The following ASRGL1 variants were observed in gnomAD, a reference collection of about 807,000 sequenced individuals.
ASRGL1 encodes isoaspartyl peptidase/L-asparaginase.
A neutral mutation model predicts 22.4 loss-of-function variants in ASRGL1; 16 were observed. The observed-to-expected ratio is 0.71, with a 90% CI of 0.48 to 1.08. The LOEUF (loss-of-function observed/expected upper bound fraction) is 1.08, where lower values mean the gene tolerates loss of function less well. ASRGL1 is among the 50% of genes least tolerant of loss of function. The pLI is 0.00. For missense variants in ASRGL1, 412 were observed against 410.1 expected, an observed-to-expected ratio of 1.00 and a Z score of -0.04; for synonymous variants, 165 against 159.3, an observed-to-expected ratio of 1.04 and a Z score of -0.27.
intron 4 of ASRGL1, among the ~76,000 whole-genome samples, chr11:62,387,688 C>T (rs1383353454): frequency 6.6e-6 from 1 of 152,200 alleles, no homozygotes; most frequent in East Asian, 1.9e-4. Context: ...CCTGGTGCTT[C>T]TTTGTTTTTT....
In ASRGL1 at chr11:62,337,889, G is replaced by A. The variant is rs1295882578; in HGVS notation, c.-88-1G>A. ...ACAGAGACTGGGCATTGTCCCCACA[G>A]GGTCTCCCGAGGACCTTGTACCCGC... On this transcript the variant is annotated splice_acceptor_variant, in intron 1 of 6. Coordinates refer to ENST00000415229, the MANE Select transcript of ASRGL1 (RefSeq NM_001083926.2). LOFTEE classifies it low-confidence loss of function (5UTR_SPLICE). The A allele has an allele frequency of 1.4e-6, 2 of 1,384,894 alleles. No homozygotes were observed. The highest frequency in any genetic ancestry group is 2.0e-6 in the Non-Finnish European group (2 of 1,021,330). The allele number at this position is 1,384,894 out of a possible 1,614,324, so 85.8% of individuals were successfully genotyped here.
At chr11:62,356,692 A>G (rs1430596029) in intron 3 of ASRGL1, among the ~76,000 whole-genome samples, 1 of 152,208 alleles carries the variant, frequency 6.6e-6, no homozygotes, top group Non-Finnish European at 1.5e-5. Context: ...CACACCACAT[A>G]CAAACTGACC....
chr11:62,400,054 G>A, the ASRGL1 span, among the ~76,000 whole-genome samples: 2 of 152,136 alleles, frequency 1.3e-5, no homozygotes, highest in African/African-American at 4.8e-5. Flanking sequence ...ATGAGGTCAC[G>A]CAGGGGGCTC....
chr11:62,378,232 G>A (rs865975722), intron 4 of ASRGL1, among the ~76,000 whole-genome samples: 37 of 152,162 alleles, frequency 2.4e-4, no homozygotes, highest in Admixed American at 2.2e-3. Context: ...ATGAAAAGGA[G>A]TAGAGGTTTG....
intron 4 of ASRGL1, among the ~76,000 whole-genome samples, chr11:62,383,411 G>A (rs957449883): frequency 6.7e-5 from 10 of 148,514 alleles, no homozygotes; most frequent in East Asian, 2.0e-4. Flanking sequence ...AGACCATCCC[G>A]GCTAAAACGG....
At chr11:62,389,353 T>C in intron 5 of ASRGL1, 102 bp downstream of exon 5, 1 of 1,150,790 alleles carries the variant, frequency 8.7e-7, no homozygotes, top group East Asian at 2.4e-5. Context: ...CTGCGTTCCC[T>C]TTCTGCTTTT....
chr11:62,369,957 T>C (rs1946719213), intron 4 of ASRGL1, among the ~76,000 whole-genome samples: 1 of 152,170 alleles, frequency 6.6e-6, no homozygotes, highest in African/African-American at 2.4e-5. Context: ...CAATACCAGA[T>C]TGTGAATTCC....
intron 4 of ASRGL1, chr11:62,371,244 G>T: frequency 7.8e-7 from 1 of 1,289,232 alleles, no homozygotes; most frequent in Non-Finnish European, 1.0e-6. Flanking sequence ...GGAAGCGCGA[G>T]CCTCCCGAGC....
chr11:62,360,280 G>A (rs1486939948), intron 4 of ASRGL1, among the ~76,000 whole-genome samples: 5 of 151,116 alleles, frequency 3.3e-5, no homozygotes, highest in Admixed American at 6.6e-5. Context: ...CGCCCACCTC[G>A]GCCTCCCAAA....
chr11:62,353,149 A>C (rs1393333991), intron 2 of ASRGL1, among the ~76,000 whole-genome samples: 1 of 151,766 alleles, frequency 6.6e-6, no homozygotes, highest in Non-Finnish European at 1.5e-5. Context: ...GTTCAGACTG[A>C]GTGATTTCTT....
chr11:62,371,045 GAA>G (rs112681053), intron 4 of ASRGL1: 2,508 of 429,578 alleles, frequency 5.8e-3, no homozygotes, highest in Middle Eastern at 0.013. Flanking sequence ...TCTGGGCCAG[GAA>G]AAAAAAAAAA....
chr11:62,357,240 T>TTTTGTTTTGTTTTG (rs1357482790), intron 4 of ASRGL1, 96 bp downstream of exon 4: 1 of 1,042,424 alleles, frequency 9.6e-7, no homozygotes. Flanking sequence ...TTTTGTTTTG[T>TTTTGTTTTGTTTTG]TTTGTTTTGT....
At chr11:62,367,815 G>A (rs1334982635) in intron 4 of ASRGL1, among the ~76,000 whole-genome samples, 1 of 151,578 alleles carries the variant, frequency 6.6e-6, no homozygotes, top group African/African-American at 2.4e-5. Context: ...GGTGGCACAC[G>A]CCTTTAGTCC....
intron 2 of ASRGL1, among the ~76,000 whole-genome samples, chr11:62,342,128 C>A (rs112878431): frequency 2.7e-4 from 41 of 152,276 alleles, no homozygotes; most frequent in African/African-American, 9.4e-4. Context: ...CGGGACCTTA[C>A]ATTTTCTATT....
chr11:62,353,069 C>T (rs1946203823), intron 2 of ASRGL1, among the ~76,000 whole-genome samples: 1 of 152,018 alleles, frequency 6.6e-6, no homozygotes, highest in South Asian at 2.1e-4. Flanking sequence ...TGAATGTTAG[C>T]TCTTTTGTTA....
intron 4 of ASRGL1, chr11:62,371,966 A>AG: frequency 3.3e-6 from 2 of 609,276 alleles, no homozygotes; most frequent in South Asian, 3.8e-5. Context: ...AAAAAAAAAA[A>AG]AAAAAAAAGT....
At chr11:62,384,028 G>A (rs1306484115) in intron 4 of ASRGL1, among the ~76,000 whole-genome samples, 5 of 137,034 alleles carry the variant, frequency 3.6e-5, no homozygotes, top group African/African-American at 5.3e-5. Context: ...GTGTGTGCAC[G>A]TGTGTGCGTG....
chr11:62,363,408 T>C (rs1211064642), intron 4 of ASRGL1, among the ~76,000 whole-genome samples: 1 of 152,148 alleles, frequency 6.6e-6, no homozygotes, highest in Non-Finnish European at 1.5e-5. Context: ...ATAGAAACTA[T>C]TTTTCAGTTC....
intron 4 of ASRGL1, among the ~76,000 whole-genome samples, chr11:62,370,139 C>T (rs972894903): frequency 6.6e-6 from 1 of 152,100 alleles, no homozygotes; most frequent in Non-Finnish European, 1.5e-5. Flanking sequence ...GCTTTTAGTA[C>T]TTCAGTCAAA....
Sources: allele counts gnomAD v4.1 joint callset (sites outside exome capture counted in the v4.1 genomes callset), GRCh38; gene constraint gnomAD v4.1.1; transcripts MANE v1.5; gene names NCBI Gene and HGNC (gene_info 2026-07-23, HGNC 2026-07-21).